Variants in DYNC2H1 observed in about 807,000 individuals in gnomAD.
DYNC2H1 encodes the protein dynein cytoplasmic 2 heavy chain 1.
In DYNC2H1, 410 loss-of-function variants were observed where a neutral mutation model predicts 570.0. That is an observed-to-expected ratio of 0.72 (90% confidence interval 0.66 to 0.78). The LOEUF (loss-of-function observed/expected upper bound fraction) is 0.78, where lower values mean the gene tolerates loss of function less well. Among genes scored for constraint, DYNC2H1 ranks in the 30% least tolerant of loss-of-function variants. The pLI, the probability that DYNC2H1 is intolerant of heterozygous loss-of-function variation, is 0.00. For synonymous variants in DYNC2H1, 1,688 were observed against 1,677.6 expected (o/e 1.01, Z -0.15); for missense variants, 4,865 against 5,046.4 (o/e 0.96, Z 1.09).
In DYNC2H1 at chr11:103,280,442, A is replaced by G. The variant is rs1866086070; in HGVS notation, c.10761+29A>G. 1 of 1,538,700 alleles carries G rather than the reference A, an allele frequency of 6.5e-7. No individual in the cohort carries two copies. The highest frequency in any genetic ancestry group is 1.4e-5 in the African/African-American group (1 of 72,786). On this transcript the variant is annotated intron_variant, in intron 71 of 88. Transcript: ENST00000375735. The surrounding 1 kb of genome is among the most constrained non-coding windows in gnomAD (Gnocchi z 4.7). ...AGTCAAATTAAAGGAGAGAAATTTTACAGTAACATAGAAATTTGTTAATGG... is the reference window on the plus strand; with the variant it reads ...AGTCAAATTAAAGGAGAGAAATTTTGCAGTAACATAGAAATTTGTTAATGG...
Position 103,235,657 on chromosome 11 carries a change from C to T in DYNC2H1, c.9568-15C>T, listed in dbSNP as rs1864191074. 6.3e-7 allele frequency: 1 copy of T among 1,596,380 alleles called. No individual in the cohort carries two copies. ...ACTCATATATCTCCCTCTTTCTTCT[C>T]TCTCTTTTTTCCAGGTTGTAGAGAT... is the stretch of plus-strand genomic sequence containing the variant. On this transcript the variant is annotated splice_polypyrimidine_tract_variant and intron_variant, in intron 61 of 88. Coordinates refer to ENST00000375735, the MANE Select transcript of DYNC2H1 (RefSeq NM_001377.3).
intron 31 of DYNC2H1, among the ~76,000 whole-genome samples, chr11:103,167,239 G>A (rs1165064495): frequency 6.6e-6 from 1 of 151,174 alleles, no homozygotes; most frequent in Admixed American, 6.6e-5. Context: ...ACTTCTTAGA[G>A]CACTTTTATA....
chr11:103,191,026 A>G (rs1591384135), intron 45 of DYNC2H1, among the ~76,000 whole-genome samples: 1 of 117,854 alleles, frequency 8.5e-6, no homozygotes, highest in African/African-American at 3.4e-5. Flanking sequence ...GTATATATAT[A>G]TATTTTTTTT....
In DYNC2H1 at chr11:103,184,992, C is replaced by T. The variant is rs1243999036; in HGVS notation, c.6574C>T (p.Leu2192Phe). 1.9e-6 allele frequency: 3 copies of T among 1,610,812 alleles called. No individual in the cohort carries two copies. Among genetic ancestry groups the T allele is most frequent in the Non-Finnish European group, 2.5e-6 (3 of 1,177,868 alleles). Reference protein sequence around the residue: ...CRDHDEFIINLIRGLGGNLNM... With the variant: ...CRDHDEFIINFIRGLGGNLNM... ...AGATCATGACGAATTCATTATTAAT[C>T]TCATAAGGGGACTTGGTGGAAATCT... is the stretch of plus-strand genomic sequence containing the variant. The change falls in exon 41 of 89, where the codon CTC (leucine) becomes TTC (phenylalanine). Residue 2192 changes from leucine (L) to phenylalanine (F), a missense_variant. By Grantham distance (22) the Leu-to-Phe change is conservative (BLOSUM62 0). Coordinates refer to ENST00000375735, the MANE Select transcript of DYNC2H1 (RefSeq NM_001377.3).
intron 29 of DYNC2H1, among the ~76,000 whole-genome samples, chr11:103,161,896 A>G (rs892816133): frequency 6.6e-5 from 10 of 152,206 alleles, no homozygotes; most frequent in Non-Finnish European, 1.5e-4. Flanking sequence ...ATTATCTTCC[A>G]CCTGGAAGCC....
chr11:103,166,216 A>T (rs1342919915), intron 31 of DYNC2H1, among the ~76,000 whole-genome samples, 168 bp downstream of exon 31: 1 of 152,146 alleles, frequency 6.6e-6, no homozygotes, highest in Non-Finnish European at 1.5e-5. Flanking sequence ...GTAATTTACT[A>T]ATTTAAATAG....
chr11:103,133,593 T>A lies in DYNC2H1; in HGVS notation c.1992T>A (p.Thr664=). ...GAAGTGGAGGGAAATCACAGATAACTTGGGATAATCCTAAAGAATTAGAAG... is the reference window on the plus strand; with the variant it reads ...GAAGTGGAGGGAAATCACAGATAACATGGGATAATCCTAAAGAATTAGAAG... ...KAGSGGKSQI[T]WDNPKELEGY... is the part of the protein sequence containing the mutation. The change falls in exon 14 of 89, where the codon ACT becomes ACA. Residue 664 remains threonine, a synonymous_variant. Transcript: ENST00000375735. This position sits in a 1 kb window ranked among gnomAD's most constrained non-coding sequence, Gnocchi z 4.8. 1.2e-6 allele frequency: 2 copies of A among 1,611,142 alleles called. No individual in the cohort carries two copies. Among genetic ancestry groups the A allele is most frequent in the Non-Finnish European group, 8.5e-7 (1 of 1,179,248 alleles).
At position 103,157,020 on chromosome 11, in the gene DYNC2H1, T is replaced by C. The variant is rs1468352375; in HGVS notation, c.4127+250T>C. 6.6e-6 allele frequency among the ~76,000 whole-genome samples: 1 copy of C among 152,220 alleles called. No homozygotes were observed. The highest frequency in any genetic ancestry group is 1.5e-5 in the Non-Finnish European group (1 of 68,030). ...CATACTTCATAAAATCACTAATTAC[T>C]TTCTCTTTTAAATTCAAAAGGCATT... On this transcript the variant is annotated intron_variant, in intron 26 of 88. Transcript: ENST00000375735. The surrounding 1 kb of genome is among the most constrained non-coding windows in gnomAD (Gnocchi z 4.2).
At chr11:103,282,025 T>C in intron 71 of DYNC2H1, 154 bp from the exon 72 acceptor site, 1 of 566,244 alleles carries the variant, frequency 1.8e-6, no homozygotes, top group Admixed American at 3.5e-5. Context: ...TAATTCATTC[T>C]TGATAATGTT....
At chr11:103,192,383 TA>T (rs1305579756) in intron 47 of DYNC2H1, 119 bp downstream of exon 47, 1 of 727,768 alleles carries the variant, frequency 1.4e-6, no homozygotes, top group African/African-American at 1.8e-5. Flanking sequence ...ATTTTAATAT[TA>T]TTTTTCCGTA....
At chr11:103,115,367 C>G (rs1398010932) in intron 4 of DYNC2H1, 72 bp downstream of exon 4, 2 of 953,162 alleles carry the variant, frequency 2.1e-6, no homozygotes, top group Middle Eastern at 3.1e-4. Context: ...TTTACAGCCT[C>G]TCTTCTGTTT....
chr11:103,466,714 A>G (rs1391439768), intron 87 of DYNC2H1, among the ~76,000 whole-genome samples: 2 of 152,236 alleles, frequency 1.3e-5, no homozygotes, highest in African/African-American at 4.8e-5. Flanking sequence ...ATTTGATTCC[A>G]TTTCATGCTC....
Position 103,155,346 on chromosome 11 carries a change from T to A in DYNC2H1, c.3589T>A (p.Leu1197Met). The change falls in exon 25 of 89, where the codon TTG becomes ATG. Residue 1197 changes from leucine to methionine, a missense_variant. Coordinates refer to ENST00000375735, the MANE Select transcript of DYNC2H1 (RefSeq NM_001377.3). ...VDKYKIVIPI[L>M]KYVRGEHLSP... ...TTTGTAACAGATCGTAATTCCTATC[T>A]TGAAATATGTGAGAGGGGAGCATCT... is the stretch of plus-strand genomic sequence containing the variant. 1 of 1,606,368 alleles carries A rather than the reference T, an allele frequency of 6.2e-7. No homozygotes were observed. Among genetic ancestry groups the A allele is most frequent in the Non-Finnish European group, 8.5e-7 (1 of 1,177,284 alleles).
Position 103,256,454 on chromosome 11 carries a change from C to T in DYNC2H1, c.10461+214C>T, listed in dbSNP as rs1055456986. ...GGATAAGGAGTGTTTGTCAGTATAC[C>T]CTGCTGCCTTCTACTGATTTCTGGC... On this transcript the variant is annotated intron_variant, in intron 68 of 88. Transcript: ENST00000375735. This position sits in a 1 kb window ranked among gnomAD's most constrained non-coding sequence, Gnocchi z 4.0. 9.9e-5 allele frequency among the ~76,000 whole-genome samples: 15 copies of T among 151,968 alleles called. No homozygotes were observed. Among genetic ancestry groups the T allele is most frequent in the African/African-American group, 3.4e-4 (14 of 41,354 alleles).
In DYNC2H1 at chr11:103,299,045, T is replaced by C. The variant is rs1866947435; in HGVS notation, c.11096-4048T>C. ...TCTGTAATTCTGATATAATTTTGAC[T>C]TAAAATGACTATCATGAGGAGTATA... On this transcript the variant is annotated intron_variant, in intron 75 of 88. Coordinates refer to ENST00000375735, the MANE Select transcript of DYNC2H1 (RefSeq NM_001377.3). The surrounding 1 kb of genome is among the most constrained non-coding windows in gnomAD (Gnocchi z 4.5). 1.3e-5 allele frequency among the ~76,000 whole-genome samples: 2 copies of C among 152,126 alleles called. No individual in the cohort carries two copies. The highest frequency in any genetic ancestry group is 4.1e-4 in the South Asian group (2 of 4,828).
Position 103,129,677 on chromosome 11 carries a change from A to G in DYNC2H1, c.1953+672A>G, listed in dbSNP as rs142045710. Among the ~76,000 whole-genome samples the G allele has an allele frequency of 0.047, 7,187 of 151,994 alleles. 234 individuals are homozygous for G. The highest frequency in any genetic ancestry group is 0.068 in the Non-Finnish European group (4,611 of 67,926). ...CTAGCCTGGGAGACAGAGCGACTCCATCTCAAAAAAAAAGAAAAAAAAGAA... is the reference window on the plus strand; with the variant it reads ...CTAGCCTGGGAGACAGAGCGACTCCGTCTCAAAAAAAAAGAAAAAAAAGAA... On this transcript the variant is annotated intron_variant, in intron 13 of 88. Transcript: ENST00000375735. This position sits in a 1 kb window ranked among gnomAD's most constrained non-coding sequence, Gnocchi z 4.1.
At chr11:103,231,160 C>A in intron 59 of DYNC2H1, 100 bp from the exon 60 acceptor site, 1 of 597,386 alleles carries the variant, frequency 1.7e-6, no homozygotes, top group South Asian at 3.4e-5. Flanking sequence ...GAGTTACTGA[C>A]AGTTTTAATT....
Position 103,170,213 on chromosome 11 carries a change from G to T in DYNC2H1, c.5074G>T (p.Gly1692Ter). Reference protein sequence around the residue: ...GLGGNPYGPAGTGKTESVKAL... With the variant: ...GLGGNPYGPA ...TGGAGGAAATCCTTATGGACCAGCTGGAACTGGGAAAACGGAATCAGTAAA... is the reference window on the plus strand; with the variant it reads ...TGGAGGAAATCCTTATGGACCAGCTTGAACTGGGAAAACGGAATCAGTAAA... The change falls in exon 33 of 89, where the codon GGA becomes TGA. Residue 1692 changes from glycine to a stop codon, truncating the protein, a stop_gained. Coordinates refer to ENST00000375735, the MANE Select transcript of DYNC2H1 (RefSeq NM_001377.3). LOFTEE classifies it high-confidence loss of function. This position sits in a 1 kb window ranked among gnomAD's most constrained non-coding sequence, Gnocchi z 4.8. The T allele has an allele frequency of 6.2e-7, 1 of 1,612,580 alleles. No homozygotes were observed. The highest frequency in any genetic ancestry group is 8.5e-7 in the Non-Finnish European group (1 of 1,179,292).
chr11:103,212,003 A>G, intron 54 of DYNC2H1, 60 bp downstream of exon 54: 1 of 1,350,024 alleles, frequency 7.4e-7, no homozygotes, highest in Non-Finnish European at 9.6e-7. Context: ...AGTTTTGTAA[A>G]TCACAATGCT....
Sources: gnomAD v4.1 joint callset for allele counts (sites outside exome capture counted in the v4.1 genomes callset) on GRCh38, gnomAD v4.1.1 for gene constraint, Gnocchi (gnomAD v3.1) non-coding constraint, MANE v1.5 for transcripts, NCBI Gene and HGNC (gene_info 2026-07-23, HGNC 2026-07-21) for gene names.